CSNK1D: variants seen among roughly 807,000 people sequenced by gnomAD.
CSNK1D encodes casein kinase 1 delta.
CSNK1D carries 16 observed loss-of-function variants against 46.6 expected under a neutral mutation model. The observed-to-expected ratio is 0.34, with a 90% confidence interval of 0.23 to 0.52. The LOEUF is 0.52. Among genes scored for constraint, CSNK1D ranks in the 20% least tolerant of loss-of-function variants. The probability of loss-of-function intolerance (pLI) is 0.95; values close to 1 mark genes in which losing one functional copy is unlikely to be tolerated. For synonymous variants in CSNK1D, 276 were observed against 228.2 expected (o/e 1.21, Z -1.89); for missense variants, 398 against 578.4 (o/e 0.69, Z 3.20).
intron 8 of CSNK1D, chr17:82,246,455 C>T (rs2050852467): frequency 1.1e-5 from 13 of 1,136,424 alleles, no homozygotes; most frequent in East Asian, 6.3e-5. Context: ...TTGATCAAAG[C>T]GAGTCATCGA....
In CSNK1D at chr17:82,248,830, G is replaced by A. The variant is rs751565214; in HGVS notation, c.1197+45C>T. On this transcript the variant is annotated intron_variant, in intron 8 of 8. Coordinates refer to ENST00000314028, the MANE Select transcript of CSNK1D (RefSeq NM_001893.6). The surrounding 1 kb of genome is among the most constrained non-coding windows in gnomAD (Gnocchi z 4.1). ...ACCACAGCCCGCTCTTGACTCGGAC[G>A]GGGTAGCCCGAGGCCCAGCGCCCGC... 1.0e-5 allele frequency: 16 copies of A among 1,591,452 alleles called. No homozygotes were observed. The highest frequency in any genetic ancestry group is 3.5e-5 in the Admixed American group (2 of 57,962).
At position 82,244,718 on chromosome 17, in the gene CSNK1D, G is replaced by C. The variant is rs2050805419; in HGVS notation, c.*63C>G. The C allele has an allele frequency of 6.2e-7, 1 of 1,612,496 alleles. No individual in the cohort carries two copies. Among genetic ancestry groups the C allele is most frequent in the Non-Finnish European group, 8.5e-7 (1 of 1,179,932 alleles). ...GACCGGGGGACGTGTCACTAGTAAA[G>C]CCATTGGTAACAGAGTAGATCAGCC... is the stretch of plus-strand genomic sequence containing the variant. On this transcript the variant is annotated 3_prime_UTR_variant, in exon 9 of 9. Coordinates refer to ENST00000314028, the MANE Select transcript of CSNK1D (RefSeq NM_001893.6).
At chr17:82,240,118 C>T (rs2050722060), downstream of CSNK1D, 9 of 1,208,908 alleles carry the variant, frequency 7.4e-6, no homozygotes, top group African/African-American at 1.6e-5. Flanking sequence ...TCCCCATCTG[C>T]CCCTGGCCTT....
chr17:82,269,948 G>T (rs1298032066), intron 1 of CSNK1D, among the ~76,000 whole-genome samples: 1 of 152,246 alleles, frequency 6.6e-6, no homozygotes, highest in East Asian at 1.9e-4. Flanking sequence ...ATAAGTGAAA[G>T]AACTTCTGGT....
chr17:82,244,777 G>T lies in CSNK1D; in HGVS notation c.*4C>A. On this transcript the variant is annotated 3_prime_UTR_variant, in exon 9 of 9. Coordinates refer to ENST00000314028, the MANE Select transcript of CSNK1D (RefSeq NM_001893.6). ...TCTGCCCTTCACAGCAATAAGGAGA[G>T]TTCTCATCGGTGCACGACAGACTGA... 6.2e-7 allele frequency: 1 copy of T among 1,614,036 alleles called. No individual in the cohort carries two copies. Among genetic ancestry groups the T allele is most frequent in the Non-Finnish European group, 8.5e-7 (1 of 1,180,042 alleles).
chr17:82,268,676 A>T (rs1397037908), intron 1 of CSNK1D, among the ~76,000 whole-genome samples: 1 of 151,830 alleles, frequency 6.6e-6, no homozygotes, highest in Non-Finnish European at 1.5e-5. Context: ...AACAAATTCA[A>T]CTCTTCCCTG....
chr17:82,251,264 A>G lies in CSNK1D; in HGVS notation c.885+115T>C. ...TGCCCACTACACACTTGCCCTTCAC[A>G]ACCAGAGACACTCCCTATATGGTAC... is the stretch of plus-strand genomic sequence containing the variant. On this transcript the variant is annotated intron_variant, in intron 6 of 8. Coordinates refer to ENST00000314028, the MANE Select transcript of CSNK1D (RefSeq NM_001893.6). The surrounding 1 kb of genome is among the most constrained non-coding windows in gnomAD (Gnocchi z 4.5). 2.3e-6 allele frequency: 3 copies of G among 1,296,870 alleles called. No homozygotes were observed. Among genetic ancestry groups the G allele is most frequent in the Non-Finnish European group, 3.3e-6 (3 of 911,096 alleles). The allele number at this position is 1,296,870 out of a possible 1,614,324, so 80.3% of individuals were successfully genotyped here. A position where few individuals can be genotyped will look rare whatever the true frequency, so the allele number is the denominator to read the frequency against.
At chr17:82,261,017 T>G (rs1676769995) in intron 2 of CSNK1D, 1 of 154,952 alleles carries the variant, frequency 6.5e-6, no homozygotes, top group Non-Finnish European at 1.5e-5. Flanking sequence ...AGACTACAGA[T>G]GTAAGCCACT....
intron 1 of CSNK1D, 144 bp from the exon 2 acceptor site, chr17:82,265,940 C>T: frequency 1.3e-6 from 1 of 756,854 alleles, no homozygotes; most frequent in South Asian, 1.4e-5. Context: ...GTAAGGCGGG[C>T]TAATCGGCTG....
At chr17:82,239,786 C>G (rs1302860998), downstream of CSNK1D, 1 of 397,114 alleles carries the variant, frequency 2.5e-6, no homozygotes, top group Non-Finnish European at 4.4e-6. Flanking sequence ...TCCTGCCTTC[C>G]CTTTTTCGCC....
rs1289824910 is a variant in CSNK1D, at chr17:82,273,653, C to G, written c.-272G>C. The G allele has an allele frequency of 1.5e-5, 8 of 546,006 alleles. No homozygotes were observed. Among genetic ancestry groups the G allele is most frequent in the Non-Finnish European group, 2.2e-5 (7 of 311,846 alleles). The allele number at this position is 546,006 out of a possible 1,614,324, so 33.8% of individuals were successfully genotyped here. A position where few individuals can be genotyped will look rare whatever the true frequency, so the allele number is the denominator to read the frequency against. On this transcript the variant is annotated 5_prime_UTR_variant, in exon 1 of 9. Transcript: ENST00000314028. This position sits in a 1 kb window ranked among gnomAD's most constrained non-coding sequence, Gnocchi z 5.1. ...CGCGGATGGACTCGGATCTTCCGGG[C>G]CTAAATCCCCTTTCAGCTGCCTAAA...
Position 82,243,316 on chromosome 17 carries a change from A to T in CSNK1D, c.*1465T>A, listed in dbSNP as rs545876463. The T allele has an allele frequency of 2.6e-5, 26 of 985,422 alleles. No homozygotes were observed. In the Admixed American group the frequency reaches 1.5e-3, roughly 58 times the overall value. The allele number at this position is 985,422 out of a possible 1,614,324, so 61.0% of individuals were successfully genotyped here. A position where few individuals can be genotyped will look rare whatever the true frequency, so the allele number is the denominator to read the frequency against. ...CTAGAGTCCAAAGGGAACATCGTCC[A>T]TCGTGATGGGGTCCAGCCGAAGTGC... On this transcript the variant is annotated 3_prime_UTR_variant, in exon 9 of 9. Transcript: ENST00000314028.
rs1226748150 is a variant in CSNK1D, at chr17:82,273,559, C to A, written c.-178G>T. ...CCGCTCCCAGCGCCTCAATACGGGG[C>A]GGATGGGACAGTCCGAGCGCCGCCG... On this transcript the variant is annotated 5_prime_UTR_variant, in exon 1 of 9. Coordinates refer to ENST00000314028, the MANE Select transcript of CSNK1D (RefSeq NM_001893.6). This position sits in a 1 kb window ranked among gnomAD's most constrained non-coding sequence, Gnocchi z 5.1. 5 of 735,232 alleles carry A rather than the reference C, an allele frequency of 6.8e-6. No homozygotes were observed. In the East Asian group the frequency reaches 1.1e-4, roughly 17 times the overall value. The allele number at this position is 735,232 out of a possible 1,614,324, so 45.5% of individuals were successfully genotyped here.
chr17:82,257,108 C>T (rs974054830), intron 2 of CSNK1D, among the ~76,000 whole-genome samples: 16 of 152,214 alleles, frequency 1.1e-4, no homozygotes, highest in Admixed American at 7.8e-4. Context: ...TACAGGTGGG[C>T]GCCACCATGC....
rs116113860 is a variant in CSNK1D, at chr17:82,253,413, G to C, written c.337-169C>G. 4.2e-3 allele frequency: 2,828 copies of C among 669,524 alleles called. 68 individuals carry two copies. The African/African-American group carries it at 0.044, about 10-fold the overall frequency. 41.5% of individuals were successfully genotyped at this position (669,524 alleles called of 1,614,324 possible). ...CCGAACTGACCAAATTGTTCCCCCA[G>C]GTGCCTGCAGCAACCCTCCACACTC... On this transcript the variant is annotated intron_variant, in intron 3 of 8. Coordinates refer to ENST00000314028, the MANE Select transcript of CSNK1D (RefSeq NM_001893.6).
intron 1 of CSNK1D, 80 bp from the exon 2 acceptor site, chr17:82,265,876 C>T: frequency 8.5e-7 from 1 of 1,181,800 alleles, no homozygotes; most frequent in Non-Finnish European, 1.3e-6. Flanking sequence ...ACAACAAGCA[C>T]TATGTGTTTT....
rs1181164851 is a variant in CSNK1D, at chr17:82,251,838, A to G, written c.737-311T>C. Reference sequence around the variant, plus strand: ...ACCCCATCTCTACTGAAAAAAAAAAAAAAAAAGTTCTAGAGCGTGGTGGCG... The same window carrying G: ...ACCCCATCTCTACTGAAAAAAAAAAGAAAAAAGTTCTAGAGCGTGGTGGCG... On this transcript the variant is annotated intron_variant, in intron 5 of 8. Transcript: ENST00000314028. This position sits in a 1 kb window ranked among gnomAD's most constrained non-coding sequence, Gnocchi z 4.5. The G allele has an allele frequency of 2.7e-6, 1 of 375,400 alleles. No individual in the cohort carries two copies. Among genetic ancestry groups the G allele is most frequent in the Non-Finnish European group, 5.0e-6 (1 of 198,864 alleles). 23.3% of individuals were successfully genotyped at this position (375,400 alleles called of 1,614,324 possible).
In CSNK1D at chr17:82,265,708, G is replaced by C; in HGVS notation, c.165C>G (p.Ile55Met). Reference protein sequence around the residue: ...KHPQLHIESKIYKMMQGGVGI... With the variant: ...KHPQLHIESKMYKMMQGGVGI... ...TACCTCCTCCCTGCATCATCTTGTAGATTTTGCTCTCAATGTGGAGCTGAG... is the reference window on the plus strand; with the variant it reads ...TACCTCCTCCCTGCATCATCTTGTACATTTTGCTCTCAATGTGGAGCTGAG... Residue 55 changes from isoleucine to methionine, a missense_variant, in exon 2 of 9, where the codon ATC (isoleucine) becomes ATG (methionine). Ile to Met is a conservative substitution (Grantham distance 10, BLOSUM62 1). This residue lies in a region of CSNK1D where 217 missense variants were observed against 370.3 expected (regional missense o/e 0.59). Transcript: ENST00000314028. 1 of 1,613,996 alleles carries C rather than the reference G, an allele frequency of 6.2e-7. No individual in the cohort carries two copies.
At chr17:82,267,982 C>T (rs1287874500) in intron 1 of CSNK1D, among the ~76,000 whole-genome samples, 3 of 152,252 alleles carry the variant, frequency 2.0e-5, no homozygotes, top group African/African-American at 4.8e-5. Flanking sequence ...AAGTCATCAC[C>T]AGCCGCTCTG....
Sources: allele counts gnomAD v4.1 joint callset (sites outside exome capture counted in the v4.1 genomes callset), GRCh38; gene constraint gnomAD v4.1.1; regional missense constraint gnomAD v4.1.1; non-coding constraint Gnocchi (gnomAD v3.1); transcripts MANE v1.5; gene names NCBI Gene and HGNC (gene_info 2026-07-23, HGNC 2026-07-21).